DAB1: variants seen among roughly 807,000 people sequenced by gnomAD.
DAB1 encodes the protein DAB adaptor protein 1.
Under a neutral mutation model 64.6 loss-of-function variants are expected in DAB1, and 15 were observed. The observed-to-expected ratio is 0.23, with a 90% CI of 0.16 to 0.36. The LOEUF (loss-of-function observed/expected upper bound fraction) is 0.36. Among genes scored for constraint, DAB1 ranks in the 10% least tolerant of loss-of-function variants. The probability of loss-of-function intolerance (pLI) is 1.00; values close to 1 mark genes in which losing one functional copy is unlikely to be tolerated. For synonymous variants in DAB1, 235 were observed against 251.9 expected, an observed-to-expected ratio of 0.93 and a Z score of 0.64; for missense variants, 596 against 706.7, an observed-to-expected ratio of 0.84 and a Z score of 1.78.
Position 57,882,301 on chromosome 1 carries a change from C to T in DAB1, n.87+1698G>A, listed in dbSNP as rs140903444. Among the ~76,000 whole-genome samples the T allele has an allele frequency of 1.0e-3, 152 of 152,124 alleles. 1 individual carries two copies. Among genetic ancestry groups the T allele is most frequent in the South Asian group, 3.7e-3 (18 of 4,812 alleles). On this transcript the variant is annotated intron_variant and non_coding_transcript_variant, in intron 1 of 1. Coordinates refer to the DAB1 transcript ENST00000477280. ...CTTCTCTGCTGGATTCCAAAATGGA[C>T]GATGTGGGAGGGGGCACAGGGCAGA...
chr1:57,292,933 G>A (rs61767391), intron 1 of DAB1, among the ~76,000 whole-genome samples: 3 of 152,114 alleles, frequency 2.0e-5, no homozygotes, highest in African/African-American at 7.2e-5. Context: ...AAGCTTCAAA[G>A]AGGATAAGCC....
intron 5 of DAB1, among the ~76,000 whole-genome samples, chr1:57,908,465 C>T (rs929686211): frequency 2.0e-5 from 3 of 152,160 alleles, no homozygotes; most frequent in Non-Finnish European, 2.9e-5. Context: ...GCACTAGCAA[C>T]CCCTCCTCCC....
chr1:57,151,481 G>T (rs759652265), intron 2 of DAB1, among the ~76,000 whole-genome samples: 40 of 152,058 alleles, frequency 2.6e-4, no homozygotes, highest in Admixed American at 1.2e-3. Context: ...GCAACAACAG[G>T]TTCCTAAATC....
At chr1:57,562,832 T>C (rs1402587799) in intron 7 of DAB1, among the ~76,000 whole-genome samples, 1 of 152,170 alleles carries the variant, frequency 6.6e-6, no homozygotes, top group Non-Finnish European at 1.5e-5. Flanking sequence ...TTTGGACACT[T>C]TGGGCTCCTC....
At chr1:58,108,138 G>A (rs947907685) in intron 5 of DAB1, among the ~76,000 whole-genome samples, 4 of 152,118 alleles carry the variant, frequency 2.6e-5, no homozygotes, top group East Asian at 1.9e-4. Context: ...GAGCCCTGGC[G>A]GGATTTTCAG....
intron 6 of DAB1, among the ~76,000 whole-genome samples, chr1:57,658,416 G>A (rs1646343594): frequency 6.7e-6 from 1 of 149,518 alleles, no homozygotes; most frequent in Non-Finnish European, 1.5e-5. Context: ...CCATTCTCCT[G>A]TCTCAGCCTC....
intron 5 of DAB1, among the ~76,000 whole-genome samples, chr1:57,890,970 TA>T (rs1644303831): frequency 6.6e-6 from 1 of 152,134 alleles, no homozygotes; most frequent in African/African-American, 2.4e-5. Flanking sequence ...ACTTCATGAC[TA>T]AAACACCAAA....
chr1:57,397,095 T>A (rs998888668), intron 1 of DAB1, among the ~76,000 whole-genome samples: 1 of 152,220 alleles, frequency 6.6e-6, no homozygotes. Flanking sequence ...TTTTATCCAT[T>A]CCAATGTAAG....
intron 7 of DAB1, among the ~76,000 whole-genome samples, chr1:57,637,484 G>A (rs1646071303): frequency 6.6e-6 from 1 of 152,178 alleles, no homozygotes; most frequent in Non-Finnish European, 1.5e-5. Context: ...GGTGTGTGTA[G>A]GGGTAGCTGA....
At chr1:57,907,683 G>C (rs1207331976) in intron 5 of DAB1, among the ~76,000 whole-genome samples, 2 of 152,050 alleles carry the variant, frequency 1.3e-5, no homozygotes, top group Non-Finnish European at 2.9e-5. Context: ...ATCAGTAGCA[G>C]TAGTCCAGTC....
chr1:58,035,607 A>G (rs1396557617), intron 5 of DAB1, among the ~76,000 whole-genome samples: 2 of 152,248 alleles, frequency 1.3e-5, no homozygotes, highest in Non-Finnish European at 2.9e-5. Flanking sequence ...CAAATTGTTT[A>G]TTAATCTAAA....
intron 6 of DAB1, among the ~76,000 whole-genome samples, chr1:57,737,579 A>G (rs1213826989): frequency 6.6e-6 from 1 of 152,214 alleles, no homozygotes; most frequent in Non-Finnish European, 1.5e-5. Flanking sequence ...TGTGTTAAGC[A>G]TCACCTCGTA....
intron 4 of DAB1, among the ~76,000 whole-genome samples, chr1:58,328,462 A>G (rs1662891192): frequency 6.6e-6 from 1 of 152,134 alleles, no homozygotes; most frequent in South Asian, 2.1e-4. Flanking sequence ...GCATGGCTGC[A>G]CTGCAGGCGA....
intron 1 of DAB1, among the ~76,000 whole-genome samples, chr1:57,298,199 A>G (rs1383211437): frequency 6.6e-6 from 1 of 152,012 alleles, no homozygotes; most frequent in Non-Finnish European, 1.5e-5. Context: ...AAATTCCCCC[A>G]TGCTGCATAT....
At chr1:57,941,836 TA>T (rs1171387934) in intron 5 of DAB1, among the ~76,000 whole-genome samples, 3 of 150,538 alleles carry the variant, frequency 2.0e-5, no homozygotes, top group African/African-American at 4.9e-5. Flanking sequence ...CTCCGTCTCT[TA>T]AAAAAAAAGA....
At chr1:57,090,229 C>A (rs72672617) in intron 4 of DAB1, among the ~76,000 whole-genome samples, 1 of 152,250 alleles carries the variant, frequency 6.6e-6, no homozygotes, top group Non-Finnish European at 1.5e-5. Flanking sequence ...ATCTGGGAAG[C>A]AGAAGGATTA....
At chr1:58,508,020 C>T (rs1311890976) in intron 2 of DAB1, among the ~76,000 whole-genome samples, 1 of 152,134 alleles carries the variant, frequency 6.6e-6, no homozygotes, top group Non-Finnish European at 1.5e-5. Context: ...TAGCCTAAAA[C>T]TGTTAATCAA....
At chr1:57,310,681 C>T (rs796502560) in intron 1 of DAB1, among the ~76,000 whole-genome samples, 1 of 152,176 alleles carries the variant, frequency 6.6e-6, no homozygotes, top group Non-Finnish European at 1.5e-5. Flanking sequence ...AATCTCATTT[C>T]GTCTATCCCA....
At chr1:57,237,974 T>TG (rs1251838468) in intron 2 of DAB1, among the ~76,000 whole-genome samples, 1 of 151,994 alleles carries the variant, frequency 6.6e-6, no homozygotes, top group Non-Finnish European at 1.5e-5. Flanking sequence ...GGCAAGAAGA[T>TG]GGGGAACCAA....
Sources: gnomAD v4.1 joint callset for allele counts (sites outside exome capture counted in the v4.1 genomes callset) on GRCh38, gnomAD v4.1.1 for gene constraint, MANE v1.5 for transcripts, NCBI Gene and HGNC (gene_info 2026-07-23, HGNC 2026-07-21) for gene names.